ZNF705B: variants seen among roughly 807,000 people sequenced by gnomAD.
ZNF705B encodes the protein zinc finger protein 705B.
A neutral mutation model predicts 10.5 loss-of-function variants in ZNF705B; 1 was observed. The observed-to-expected ratio is 0.10, with a 90% CI of 0.03 to 0.45. ZNF705B has a LOEUF of 0.45. Ranked by LOEUF, ZNF705B falls within the 20% of genes least tolerant of loss-of-function variation. The probability of loss-of-function intolerance (pLI) is 0.97; values close to 1 mark genes in which losing one functional copy is unlikely to be tolerated. For missense variants in ZNF705B, 14 were observed against 84.0 expected, an observed-to-expected ratio of 0.17 and a Z score of 3.26; for synonymous variants, 4 against 25.4, an observed-to-expected ratio of 0.16 and a Z score of 2.53.
intron 2 of ZNF705B, among the ~76,000 whole-genome samples, chr8:7,931,277 G>A (rs1420514738): frequency 2.5e-5 from 3 of 121,394 alleles, no homozygotes; most frequent in African/African-American, 7.5e-5. Flanking sequence ...CAGATGGCAT[G>A]TGCAGACACC....
chr8:7,929,379 A>G lies in ZNF705B; in HGVS notation c.-221-908A>G, dbSNP rs1329510445. ...AGGGTGGTTTTCTTTATATTTCCAA[A>G]AGGAAAGTTGATAGATGCAGAGACA... is the stretch of plus-strand genomic sequence containing the variant. On this transcript the variant is annotated intron_variant, in intron 1 of 6. Coordinates refer to ENST00000400120, the MANE Select transcript of ZNF705B (RefSeq NM_001193630.1). 1.6e-5 allele frequency among the ~76,000 whole-genome samples: 2 copies of G among 121,810 alleles called. 1 individual carries two copies. Among genetic ancestry groups the G allele is most frequent in the Admixed American group, 1.9e-4 (2 of 10,804 alleles). The allele number at this position is 121,810 out of a possible 152,430, so 79.9% of individuals were successfully genotyped here.
At chr8:7,926,593 T>G (rs556084885) in intron 1 of ZNF705B, among the ~76,000 whole-genome samples, 196 bp downstream of exon 1, 1 of 103,476 alleles carries the variant, frequency 9.7e-6, no homozygotes. Flanking sequence ...GTATGAGTGT[T>G]TGTGTCTCTC....
intron 2 of ZNF705B, among the ~76,000 whole-genome samples, chr8:7,941,312 T>C (rs1402539967): frequency 5.6e-5 from 8 of 142,796 alleles, no homozygotes; most frequent in South Asian, 2.4e-4. Flanking sequence ...ACCAACAGTG[T>C]AAAAGTGTTC....
rs1210798086 is a variant in ZNF705B at position 7,941,041 on chromosome 8, A to T, written c.-71-6310A>T. Among the ~76,000 whole-genome samples the T allele has an allele frequency of 6.0e-5, 9 of 149,606 alleles. No individual in the cohort carries two copies. In the Admixed American group the frequency reaches 6.0e-4, roughly 10 times the overall value. On this transcript the variant is annotated intron_variant, in intron 2 of 6. Transcript: ENST00000400120. ...ATCTCATTCCTTTTTATGGCTGCAT[A>T]GTATTCCATGGTGTATACGTACCAC...
rs1820122790 is a variant in ZNF705B, at chr8:7,940,589, C to T, written c.-71-6762C>T. On this transcript the variant is annotated intron_variant, in intron 2 of 6. Coordinates refer to ENST00000400120, the MANE Select transcript of ZNF705B (RefSeq NM_001193630.1). ...AAACTTTGTGCTCTAACCACATCTA[C>T]CCATTTCCCCAGCACCAGGGCCCCT... Among the ~76,000 whole-genome samples, 2 of 132,202 alleles carry T rather than the reference C, an allele frequency of 1.5e-5. 1 individual carries two copies. Among genetic ancestry groups the T allele is most frequent in the African/African-American group, 5.3e-5 (2 of 37,672 alleles). 86.7% of individuals were successfully genotyped at this position (132,202 alleles called of 152,430 possible). A position where few individuals can be genotyped will look rare whatever the true frequency, so the allele number is the denominator to read the frequency against.
At chr8:7,940,820 A>G (rs1270267985) in intron 2 of ZNF705B, among the ~76,000 whole-genome samples, 6 of 134,884 alleles carry the variant, frequency 4.4e-5, no homozygotes, top group Admixed American at 1.6e-4. Context: ...TGTATTAGCC[A>G]TTTATCCTGA....
chr8:7,951,520 TG>T (rs759305562), intron 6 of ZNF705B, among the ~76,000 whole-genome samples: 5,548 of 60,514 alleles, frequency 0.092, 263 homozygotes, highest in Middle Eastern at 0.27. Context: ...GGAATTTCCT[TG>T]TGGGCAAAAT....
intron 1 of ZNF705B, among the ~76,000 whole-genome samples, chr8:7,926,947 T>A (rs1385045554): frequency 1.8e-5 from 2 of 113,788 alleles, no homozygotes. Context: ...CCCAGCTCAA[T>A]CACTAGTTGT....
intron 1 of ZNF705B, among the ~76,000 whole-genome samples, chr8:7,929,979 C>A (rs534905510): frequency 0.01 from 972 of 96,798 alleles, 44 homozygotes; most frequent in Middle Eastern, 0.026. Context: ...TATGTATGTT[C>A]ATTTTTTTAA....
intron 1 of ZNF705B, among the ~76,000 whole-genome samples, chr8:7,927,382 ACAGG>A (rs2128940595): frequency 8.2e-6 from 1 of 121,304 alleles, no homozygotes; most frequent in East Asian, 2.3e-4. Flanking sequence ...AGTTCCTCTT[ACAGG>A]TTAGGTTCAT....
At chr8:7,933,220 GA>G in intron 2 of ZNF705B, among the ~76,000 whole-genome samples, 1 of 68,376 alleles carries the variant, frequency 1.5e-5, no homozygotes, top group African/African-American at 3.4e-5. Context: ...TGCTGGCTTT[GA>G]AAATGTATGA....
rs3936036 is a variant in ZNF705B, at chr8:7,932,359, C to A, written c.-72+1923C>A. On this transcript the variant is annotated intron_variant, in intron 2 of 6. Transcript: ENST00000400120. ...TGAATTCTAGTGCCCTCTTTCGTGC[C>A]CTCTTCAAGGTATGATTATCTACTT... Among the ~76,000 whole-genome samples, 180 of 121,212 alleles carry A rather than the reference C, an allele frequency of 1.5e-3. 2 individuals carry two copies. The highest frequency in any genetic ancestry group is 4.2e-3 in the African/African-American group (169 of 39,924). The allele number at this position is 121,212 out of a possible 152,430, so 79.5% of individuals were successfully genotyped here.
chr8:7,927,387 T>TGCAAA (rs2128940600), intron 1 of ZNF705B, among the ~76,000 whole-genome samples: 1 of 121,422 alleles, frequency 8.2e-6, no homozygotes, highest in East Asian at 2.3e-4. Context: ...CTCTTACAGG[T>TGCAAA]TAGGTTCATT....
At chr8:7,932,150 G>A (rs1234585182) in intron 2 of ZNF705B, among the ~76,000 whole-genome samples, 2 of 121,248 alleles carry the variant, frequency 1.6e-5, no homozygotes, top group Non-Finnish European at 2.0e-5. Context: ...GCCTGCAAGG[G>A]CTGAGAGACT....
At chr8:7,932,276 G>A (rs1312918568) in intron 2 of ZNF705B, among the ~76,000 whole-genome samples, 1 of 121,054 alleles carries the variant, frequency 8.3e-6, no homozygotes, top group Non-Finnish European at 2.0e-5. Flanking sequence ...TTCTGGCTGG[G>A]CTGCTGCTTC....
chr8:7,936,677 A>C (rs1820024439), intron 2 of ZNF705B, among the ~76,000 whole-genome samples: 1 of 118,434 alleles, frequency 8.4e-6, no homozygotes, highest in Non-Finnish European at 2.0e-5. Flanking sequence ...CAATGAGTGC[A>C]CATGGACATA....
chr8:7,936,576 T>C (rs1336611055), intron 2 of ZNF705B, among the ~76,000 whole-genome samples: 3 of 120,218 alleles, frequency 2.5e-5, no homozygotes, highest in African/African-American at 7.6e-5. Context: ...TTCAGCAACA[T>C]GGATGCAGCT....
rs1265542514 is a variant in ZNF705B, at chr8:7,931,805, C to T, written c.-72+1369C>T. On this transcript the variant is annotated intron_variant, in intron 2 of 6. Coordinates refer to ENST00000400120, the MANE Select transcript of ZNF705B (RefSeq NM_001193630.1). ...TCCCTTTGTTCTGGGGGCAGCCTCC[C>T]TAGTGAATGGCACTGCCAGTTCCCT... Among the ~76,000 whole-genome samples, 6 of 130,878 alleles carry T rather than the reference C, an allele frequency of 4.6e-5. 1 individual carries two copies. The highest frequency in any genetic ancestry group is 8.4e-5 in the Admixed American group (1 of 11,952). 85.9% of individuals were successfully genotyped at this position (130,878 alleles called of 152,430 possible). A position where few individuals can be genotyped will look rare whatever the true frequency, so the allele number is the denominator to read the frequency against.
chr8:7,927,231 C>T, intron 1 of ZNF705B, among the ~76,000 whole-genome samples: 1 of 118,418 alleles, frequency 8.4e-6, no homozygotes, highest in Admixed American at 9.8e-5. Flanking sequence ...GTTTCCCTAC[C>T]AGCCTCTAAT....
Sources: allele counts gnomAD v4.1 joint callset (sites outside exome capture counted in the v4.1 genomes callset), GRCh38; gene constraint gnomAD v4.1.1; transcripts MANE v1.5; gene names NCBI Gene and HGNC (gene_info 2026-07-23, HGNC 2026-07-21).